NELFA: variants seen among roughly 807,000 people sequenced by gnomAD.
NELFA encodes the protein negative elongation factor A.
NELFA carries 35 observed loss-of-function variants against 51.8 expected under a neutral mutation model. The ratio of observed to expected loss-of-function variants is 0.68; its 90% CI spans 0.52 to 0.90. NELFA has a LOEUF of 0.90. Among genes scored for constraint, NELFA ranks in the 40% least tolerant of loss-of-function variants. The pLI is 0.00. For synonymous variants in NELFA, 417 were observed against 338.4 expected, an observed-to-expected ratio of 1.23 and a Z score of -2.55; for missense variants, 658 against 746.4, an observed-to-expected ratio of 0.88 and a Z score of 1.38.
chr4:1,988,876 T>C (rs1728189614), intron 3 of NELFA, among the ~76,000 whole-genome samples: 1 of 151,454 alleles, frequency 6.6e-6, no homozygotes, highest in African/African-American at 2.4e-5. Context: ...ACAGCGTGAC[T>C]CAGCTGGCAC....
chr4:1,989,766 A>G lies in NELFA; in HGVS notation c.486T>C (p.His162=). The change falls in exon 3 of 11, where the codon CAT becomes CAC. Residue 162 remains histidine, a synonymous_variant. Transcript: ENST00000382882. The surrounding 1 kb of genome is among the most constrained non-coding windows in gnomAD (Gnocchi z 4.8). ...TCTTGGGTTTCCGCTTTAACTGAAAATGCTTCACCGGGGGAGTGAGGGGTC... is the reference window on the plus strand; with the variant it reads ...TCTTGGGTTTCCGCTTTAACTGAAAGTGCTTCACCGGGGGAGTGAGGGGTC... The part of the protein sequence containing the change: ...LAGPLTPPVK[H]FQLKRKPKSA... 6.2e-7 allele frequency: 1 copy of G among 1,614,140 alleles called. No individual in the cohort carries two copies. The highest frequency in any genetic ancestry group is 8.5e-7 in the Non-Finnish European group (1 of 1,180,030).
rs545292641 is a variant in NELFA, at chr4:2,004,869, G to A, written c.210+3881C>T. Among the ~76,000 whole-genome samples the A allele has an allele frequency of 2.6e-4, 38 of 147,084 alleles. No individual in the cohort carries two copies. The South Asian group carries it at 7.6e-3, about 29-fold the overall frequency. The stretch of plus-strand genomic sequence containing the variant: ...CGCCCAGGCTGGAGTGCAGTGGCGC[G>A]ATCTCAGCTCACTGCAAGCTCTGCC... On this transcript the variant is annotated intron_variant, in intron 1 of 10. Transcript: ENST00000382882.
At position 2,008,657 on chromosome 4, in the gene NELFA, G is replaced by A. The variant is rs1366726568; in HGVS notation, c.210+93C>T. On this transcript the variant is annotated intron_variant, in intron 1 of 10. Transcript: ENST00000382882. Reference sequence around the variant, plus strand: ...GTCTGAAGGGGGATGGGAAGGTTGGGGGAGGGAGCGAGGAGGGTCCGGAGT... The same window carrying A: ...GTCTGAAGGGGGATGGGAAGGTTGGAGGAGGGAGCGAGGAGGGTCCGGAGT... The A allele has an allele frequency of 3.5e-6, 5 of 1,448,950 alleles. No homozygotes were observed. In the African/African-American group the frequency reaches 7.1e-5, roughly 21 times the overall value. The allele number at this position is 1,448,950 out of a possible 1,614,324, so 89.8% of individuals were successfully genotyped here.
Position 1,986,185 on chromosome 4 carries a change from T to C in NELFA, c.766-2A>G. 1.3e-6 allele frequency: 2 copies of C among 1,559,128 alleles called. No individual in the cohort carries two copies. Among genetic ancestry groups the C allele is most frequent in the Admixed American group, 1.9e-5 (1 of 51,898 alleles). ...ATCCAGCTCAGAGATGTCCAGCAGC[T>C]GCCAAGACAAGCACAGCCCTGCCTT... is the stretch of plus-strand genomic sequence containing the variant. On this transcript the variant is annotated splice_acceptor_variant, in intron 5 of 10. Transcript: ENST00000382882. LOFTEE classifies it high-confidence loss of function.
At chr4:1,994,287 G>A (rs1037897184) in intron 1 of NELFA, among the ~76,000 whole-genome samples, 1 of 152,092 alleles carries the variant, frequency 6.6e-6, no homozygotes, top group African/African-American at 2.4e-5. Context: ...AAAATTGGCT[G>A]GGCACGGTGG....
At position 1,989,802 on chromosome 4, in the gene NELFA, C is replaced by T. The variant is rs370288755; in HGVS notation, c.450G>A (p.Thr150=). Residue 150 remains threonine, a synonymous_variant, in exon 3 of 11, where the codon ACG becomes ACA. Coordinates refer to ENST00000382882, the MANE Select transcript of NELFA (RefSeq NM_005663.5). This position sits in a 1 kb window ranked among gnomAD's most constrained non-coding sequence, Gnocchi z 4.8. ...ECQYLNKNAL[T]TLAGPLTPPV... ...GGGGAGTGAGGGGTCCCGCGAGGGTCGTCAGGGCGTTTTTGTTCAAGTACT... is the reference window on the plus strand; with the variant it reads ...GGGGAGTGAGGGGTCCCGCGAGGGTTGTCAGGGCGTTTTTGTTCAAGTACT... The T allele has an allele frequency of 1.9e-5, 31 of 1,614,064 alleles. No individual in the cohort carries two copies. Among genetic ancestry groups the T allele is most frequent in the South Asian group, 5.5e-5 (5 of 91,092 alleles).
In NELFA at chr4:1,983,056, T is replaced by C; in HGVS notation, c.*263A>G. On this transcript the variant is annotated 3_prime_UTR_variant, in exon 11 of 11. Coordinates refer to ENST00000382882, the MANE Select transcript of NELFA (RefSeq NM_005663.5). ...AGGAAGTTGTAACTTTTTTGGTTAA[T>C]TTACTTACTACATTCAAAAATGTAA... 2.7e-6 allele frequency: 1 copy of C among 366,758 alleles called. No individual in the cohort carries two copies. 22.7% of individuals were successfully genotyped at this position (366,758 alleles called of 1,614,324 possible). A position where few individuals can be genotyped will look rare whatever the true frequency, so the allele number is the denominator to read the frequency against.
chr4:1,983,942 A>T lies in NELFA; in HGVS notation c.1208T>A (p.Val403Asp). The T allele has an allele frequency of 1.2e-6, 2 of 1,611,158 alleles. No homozygotes were observed. Among genetic ancestry groups the T allele is most frequent in the Non-Finnish European group, 1.7e-6 (2 of 1,179,072 alleles). The stretch of plus-strand genomic sequence containing the variant: ...CGGGGGTGTCTGAGTGGTAGGGGCG[A>T]CAGCCGGAGGTGTGGTGGGTGTCAG... Reference protein sequence around the residue: ...SPLTPTTPPAVAPTTQTPPVA... With the variant: ...SPLTPTTPPADAPTTQTPPVA... The change falls in exon 9 of 11, where the codon GTC (valine) becomes GAC (aspartate). Residue 403 changes from valine to aspartate, a missense_variant. Val to Asp is a radical substitution (Grantham distance 152, BLOSUM62 -3). Coordinates refer to ENST00000382882, the MANE Select transcript of NELFA (RefSeq NM_005663.5).
intron 4 of NELFA, 70 bp downstream of exon 4, chr4:1,987,848 C>CG (rs1234960741): frequency 7.8e-7 from 1 of 1,286,860 alleles, no homozygotes; most frequent in Non-Finnish European, 1.1e-6. Flanking sequence ...CAACAGGGAG[C>CG]GGGTCTCCAG....
In NELFA at chr4:1,989,920, C is replaced by T. The variant is rs572664510; in HGVS notation, c.383-51G>A. Reference sequence around the variant, plus strand: ...AGGGGCGCCCAGGCCGCAGACCTCCCGGCTGAGAGGAGCTGGCGGCTGCCC... The same window carrying T: ...AGGGGCGCCCAGGCCGCAGACCTCCTGGCTGAGAGGAGCTGGCGGCTGCCC... On this transcript the variant is annotated intron_variant, in intron 2 of 10. Transcript: ENST00000382882. The surrounding 1 kb of genome is among the most constrained non-coding windows in gnomAD (Gnocchi z 4.8). The T allele has an allele frequency of 1.6e-5, 25 of 1,584,172 alleles. No homozygotes were observed. Among genetic ancestry groups the T allele is most frequent in the Middle Eastern group, 1.7e-4 (1 of 5,732 alleles).
intron 2 of NELFA, among the ~76,000 whole-genome samples, chr4:1,990,206 C>T (rs1728231549): frequency 6.6e-6 from 1 of 152,042 alleles, no homozygotes; most frequent in African/African-American, 2.4e-5. Context: ...GTTAACAGAT[C>T]CCACCCCCAC....
intron 2 of NELFA, chr4:1,990,631 C>T (rs564325234): frequency 5.2e-5 from 21 of 405,632 alleles, no homozygotes; most frequent in African/African-American, 3.4e-4. Flanking sequence ...TGTGCAGCCT[C>T]GATGTCTCCA....
chr4:2,003,134 A>G (rs1728620832), intron 1 of NELFA, among the ~76,000 whole-genome samples: 1 of 152,218 alleles, frequency 6.6e-6, no homozygotes, highest in Non-Finnish European at 1.5e-5. Flanking sequence ...GAAAAGCTCT[A>G]CGTCACTGAT....
chr4:1,984,197 G>C (rs2109053242), intron 8 of NELFA, 84 bp from the exon 9 acceptor site: 1 of 1,392,432 alleles, frequency 7.2e-7, no homozygotes, highest in Non-Finnish European at 9.4e-7. Context: ...GACAGGCTCA[G>C]CTCCCCTTCT....
At chr4:2,005,976 C>T (rs989553927) in intron 1 of NELFA, among the ~76,000 whole-genome samples, 30 of 152,204 alleles carry the variant, frequency 2.0e-4, no homozygotes, top group Middle Eastern at 3.4e-3. Context: ...GCAGGCTCTA[C>T]GTGTTTAAGA....
At position 1,989,697 on chromosome 4, in the gene NELFA, C is replaced by T. The variant is rs199563257; in HGVS notation, c.544+11G>A. On this transcript the variant is annotated intron_variant, in intron 3 of 10. Transcript: ENST00000382882. The surrounding 1 kb of genome is among the most constrained non-coding windows in gnomAD (Gnocchi z 4.8). The stretch of plus-strand genomic sequence containing the variant: ...CAAAGACAATGCCCGATGGCGGCCG[C>T]GGCCACTCACACTTCTGCAGCAGCT... 46 of 1,611,620 alleles carry T rather than the reference C, an allele frequency of 2.9e-5. No individual in the cohort carries two copies. Among genetic ancestry groups the T allele is most frequent in the Admixed American group, 1.3e-4 (8 of 59,540 alleles).
Position 1,984,900 on chromosome 4 carries a change from T to C in NELFA, c.944A>G (p.Asn315Ser). ...GCTCGTGGAGGGCAGCGCAGGCTCA[T>C]TGTTCAGGGACCCAAGTTTCTGGAA... is the stretch of plus-strand genomic sequence containing the variant. ...VSTQKLGSLNNEPALPSTSYL... is the reference protein window; with the variant it reads ...VSTQKLGSLNSEPALPSTSYL... The change falls in exon 8 of 11, where the codon AAT (asparagine) becomes AGT (serine). Residue 315 changes from asparagine to serine, a missense_variant. Physicochemically the swap from Asn to Ser is conservative, Grantham distance 46 (BLOSUM62 1). This residue lies in a region of NELFA where 371 missense variants were observed against 448.3 expected (regional missense o/e 0.83). Transcript: ENST00000382882. The C allele has an allele frequency of 6.3e-7, 1 of 1,575,754 alleles. No homozygotes were observed. The highest frequency in any genetic ancestry group is 8.6e-7 in the Non-Finnish European group (1 of 1,159,712).
At chr4:1,990,651 CCT>C (rs1728245159) in intron 2 of NELFA, 1 of 385,688 alleles carries the variant, frequency 2.6e-6, no homozygotes, top group Non-Finnish European at 5.3e-6. Context: ...ATCCCACAAC[CCT>C]GTCTCTCTGG....
intron 1 of NELFA, among the ~76,000 whole-genome samples, chr4:2,005,215 A>G (rs1728679384): frequency 6.6e-6 from 1 of 152,156 alleles, no homozygotes; most frequent in South Asian, 2.1e-4. Flanking sequence ...AGACAACAGG[A>G]AACATAATGC....
Sources: gnomAD v4.1 joint callset for allele counts (sites outside exome capture counted in the v4.1 genomes callset) on GRCh38, gnomAD v4.1.1 for gene constraint, gnomAD v4.1.1 regional missense constraint, Gnocchi (gnomAD v3.1) non-coding constraint, MANE v1.5 for transcripts, NCBI Gene and HGNC (gene_info 2026-07-23, HGNC 2026-07-21) for gene names.